Variants in PSME3IP1 observed in about 807,000 individuals in gnomAD.
PSME3IP1 encodes proteasome activator subunit 3 interacting protein 1, also known as PSME3-interacting protein.
A neutral mutation model predicts 34.1 loss-of-function variants in PSME3IP1; 13 were observed. That is an observed-to-expected ratio of 0.38 (90% CI 0.25 to 0.61). The LOEUF (loss-of-function observed/expected upper bound fraction) is 0.61. Among genes scored for constraint, PSME3IP1 ranks in the 20% least tolerant of loss-of-function variants. The pLI is 0.60. For synonymous variants in PSME3IP1, 93 were observed against 114.3 expected (o/e 0.81, Z 1.19); for missense variants, 237 against 301.4 (o/e 0.79, Z 1.58).
intron 6 of PSME3IP1, among the ~76,000 whole-genome samples, chr16:57,155,793 A>G (rs2070443925): frequency 6.6e-6 from 1 of 152,084 alleles, no homozygotes; most frequent in African/African-American, 2.4e-5. Flanking sequence ...GCAACAGAGC[A>G]AGACACTGCC....
At chr16:57,164,243 A>G (rs182163822) in intron 5 of PSME3IP1, among the ~76,000 whole-genome samples, 178 bp from the exon 6 acceptor site, 8 of 152,360 alleles carry the variant, frequency 5.3e-5, no homozygotes, top group African/African-American at 1.9e-4. Context: ...TTGCATCATC[A>G]GTCATAAAGA....
In PSME3IP1 at chr16:57,172,524, TA is replaced by T. The variant is rs538691881; in HGVS notation, c.227-153del. On this transcript the variant is annotated intron_variant, in intron 3 of 6. Coordinates refer to ENST00000309137, the MANE Select transcript of PSME3IP1 (RefSeq NM_024946.4). ...TGGCGTTTGAATAGATAACAGGGCA[TA>T]AAAAAAAACAAGGCATTTTTTCCCA... 7.2e-4 allele frequency: 623 copies of T among 866,986 alleles called. 1 individual carries two copies. Among genetic ancestry groups the T allele is most frequent in the Middle Eastern group, 4.3e-3 (13 of 3,048 alleles). 53.7% of individuals were successfully genotyped at this position (866,986 alleles called of 1,614,324 possible).
At chr16:57,166,955 AG>A (rs1392976641) in intron 5 of PSME3IP1, 137 bp downstream of exon 5, 12 of 910,206 alleles carry the variant, frequency 1.3e-5, no homozygotes, top group Non-Finnish European at 1.9e-5. Flanking sequence ...AAATCTGGAA[AG>A]GGAGAGATAG....
intron 5 of PSME3IP1, 65 bp downstream of exon 5, chr16:57,167,028 A>C: frequency 6.3e-7 from 1 of 1,589,442 alleles, no homozygotes; most frequent in Non-Finnish European, 8.6e-7. Context: ...TCTGGCTTCC[A>C]TTACAAGTGG....
intron 1 of PSME3IP1, among the ~76,000 whole-genome samples, chr16:57,182,442 A>G (rs2073800716): frequency 2.9e-5 from 1 of 34,104 alleles, no homozygotes; most frequent in African/African-American, 7.3e-5. Flanking sequence ...AAAACAAAAT[A>G]AAACAAAAAA....
At chr16:57,178,880 T>G in intron 1 of PSME3IP1, 1 of 812,130 alleles carries the variant, frequency 1.2e-6, no homozygotes, top group Non-Finnish European at 1.5e-6. Context: ...TAAGTACCTG[T>G]AACTTACTGA....
At chr16:57,163,515 T>C (rs1221916738) in intron 6 of PSME3IP1, among the ~76,000 whole-genome samples, 1 of 152,204 alleles carries the variant, frequency 6.6e-6, no homozygotes, top group Admixed American at 6.5e-5. Flanking sequence ...AGTTCTTGCC[T>C]CTTAATACAG....
chr16:57,185,833 G>A lies in PSME3IP1; in HGVS notation c.-28C>T, dbSNP rs2074133023. The A allele has an allele frequency of 2.0e-6, 2 of 985,188 alleles. No individual in the cohort carries two copies. The highest frequency in any genetic ancestry group is 4.7e-5 in the South Asian group (1 of 21,278). The allele number at this position is 985,188 out of a possible 1,614,324, so 61.0% of individuals were successfully genotyped here. A position where few individuals can be genotyped will look rare whatever the true frequency, so the allele number is the denominator to read the frequency against. ...AGGCCGCACTCACCTACCGGCGCGC[G>A]GGAGGCGAGACGACCTCACCTCGGC... On this transcript the variant is annotated 5_prime_UTR_variant, in exon 1 of 7. Transcript: ENST00000309137.
chr16:57,182,644 T>A (rs2073836997), intron 1 of PSME3IP1, among the ~76,000 whole-genome samples: 1 of 122,128 alleles, frequency 8.2e-6, no homozygotes. Flanking sequence ...GCGCAGTGGC[T>A]CATGCCTGTA....
At chr16:57,162,862 T>C (rs2071423605) in intron 6 of PSME3IP1, among the ~76,000 whole-genome samples, 2 of 151,832 alleles carry the variant, frequency 1.3e-5, no homozygotes, top group South Asian at 4.2e-4. Context: ...GAATAGCTCT[T>C]GATGGCTACA....
In PSME3IP1 at chr16:57,154,839, C is replaced by T. The variant is rs956245562; in HGVS notation, c.548-332G>A. Among the ~76,000 whole-genome samples the T allele has an allele frequency of 6.6e-6, 1 of 152,158 alleles. No individual in the cohort carries two copies. Among genetic ancestry groups the T allele is most frequent in the Non-Finnish European group, 1.5e-5 (1 of 68,018 alleles). On this transcript the variant is annotated intron_variant, in intron 6 of 6. Coordinates refer to ENST00000309137, the MANE Select transcript of PSME3IP1 (RefSeq NM_024946.4). This position sits in a 1 kb window ranked among gnomAD's most constrained non-coding sequence, Gnocchi z 4.0. ...CTACTCTGGAGTGTAGCCTAGAGTGCTTTGATTTCCCTGTGCTCACACAGC... is the reference window on the plus strand; with the variant it reads ...CTACTCTGGAGTGTAGCCTAGAGTGTTTTGATTTCCCTGTGCTCACACAGC...
intron 1 of PSME3IP1, chr16:57,181,524 C>A (rs2073714510): frequency 1.3e-5 from 2 of 152,228 alleles, no homozygotes; most frequent in African/African-American, 4.8e-5. Context: ...TGGGTGTCCT[C>A]TAATTCAGTT....
chr16:57,163,957 A>G lies in PSME3IP1; in HGVS notation c.547+44T>C, dbSNP rs769039590. On this transcript the variant is annotated intron_variant, in intron 6 of 6. Coordinates refer to ENST00000309137, the MANE Select transcript of PSME3IP1 (RefSeq NM_024946.4). ...GCATTACAGCCCTTTACTGTGGTTC[A>G]TGTGTATTCTGAGTACAAGGAAGTA... 9.0e-6 allele frequency: 14 copies of G among 1,556,648 alleles called. No individual in the cohort carries two copies. The South Asian group carries it at 1.3e-4, about 15-fold the overall frequency.
chr16:57,157,630 T>C (rs1272881203), intron 6 of PSME3IP1, among the ~76,000 whole-genome samples: 1 of 151,934 alleles, frequency 6.6e-6, no homozygotes, highest in Non-Finnish European at 1.5e-5. Flanking sequence ...TCTTTTTTTT[T>C]TTTAAGAACA....
intron 2 of PSME3IP1, 70 bp downstream of exon 2, chr16:57,173,658 G>T (rs1185197224): frequency 6.4e-7 from 1 of 1,550,510 alleles, no homozygotes; most frequent in Middle Eastern, 2.3e-4. Flanking sequence ...ACCAAGTGAG[G>T]ACAATTAATA....
intron 6 of PSME3IP1, among the ~76,000 whole-genome samples, chr16:57,162,749 TA>T: frequency 6.6e-6 from 1 of 150,942 alleles, no homozygotes; most frequent in African/African-American, 2.4e-5. Flanking sequence ...TGAAGCTTGG[TA>T]ATGGGGGTTT....
At chr16:57,161,714 G>A (rs947801466) in intron 6 of PSME3IP1, among the ~76,000 whole-genome samples, 22 of 151,882 alleles carry the variant, frequency 1.4e-4, no homozygotes, top group Non-Finnish European at 2.8e-4. Context: ...GGGTTTCACC[G>A]TGTTAGCCAG....
Position 57,154,224 on chromosome 16 carries a change from C to T in PSME3IP1, c.*66G>A, listed in dbSNP as rs560169323. ...GAGTTTTTTTTTGAGGGACATAATG[C>T]CTATAGGCAGCATGAACGGTCCGAT... is the stretch of plus-strand genomic sequence containing the variant. On this transcript the variant is annotated 3_prime_UTR_variant, in exon 7 of 7. Transcript: ENST00000309137. This position sits in a 1 kb window ranked among gnomAD's most constrained non-coding sequence, Gnocchi z 4.0. The T allele has an allele frequency of 1.5e-3, 2,096 of 1,397,324 alleles. 6 individuals are homozygous for T. The highest frequency in any genetic ancestry group is 1.8e-3 in the Non-Finnish European group (1,764 of 990,042). The allele number at this position is 1,397,324 out of a possible 1,614,324, so 86.6% of individuals were successfully genotyped here.
At chr16:57,169,566 G>A (rs923308759) in intron 4 of PSME3IP1, among the ~76,000 whole-genome samples, 2 of 152,082 alleles carry the variant, frequency 1.3e-5, no homozygotes, top group Non-Finnish European at 2.9e-5. Context: ...CTTATCCCTG[G>A]AGCCTCATTG....
Sources: gnomAD v4.1 joint callset for allele counts (sites outside exome capture counted in the v4.1 genomes callset) on GRCh38, gnomAD v4.1.1 for gene constraint, Gnocchi (gnomAD v3.1) non-coding constraint, MANE v1.5 for transcripts, NCBI Gene and HGNC (gene_info 2026-07-23, HGNC 2026-07-21) for gene names.